MAP4K1: variants seen among roughly 807,000 people sequenced by gnomAD.
MAP4K1 encodes mitogen-activated protein kinase kinase kinase kinase 1, also known as MAPK/ERK kinase kinase kinase 1.
In MAP4K1, 35 loss-of-function variants were observed where a neutral mutation model predicts 122.8. That is an observed-to-expected ratio of 0.29 (90% confidence interval 0.22 to 0.38). The LOEUF is 0.38. Among genes scored for constraint, MAP4K1 ranks in the 10% least tolerant of loss-of-function variants. The pLI is 1.00. For synonymous variants in MAP4K1, 412 were observed against 421.3 expected (o/e 0.98, Z 0.27); for missense variants, 791 against 1,072.6 (o/e 0.74, Z 3.67).
intron 19 of MAP4K1, among the ~76,000 whole-genome samples, chr19:38,603,166 A>G (rs138623612): frequency 8.3e-4 from 123 of 148,854 alleles, no homozygotes; most frequent in African/African-American, 2.9e-3. Context: ...ATGTATACAT[A>G]TATACACATG....
intron 11 of MAP4K1, among the ~76,000 whole-genome samples, chr19:38,610,301 G>C (rs545414744): frequency 3.6e-4 from 55 of 151,900 alleles, no homozygotes; most frequent in African/African-American, 1.3e-3. Flanking sequence ...CACCTCCTGG[G>C]CTTAATTGAT....
Position 38,617,322 on chromosome 19 carries a change from C to G in MAP4K1, c.248+32G>C, listed in dbSNP as rs753528553. On this transcript the variant is annotated intron_variant, in intron 3 of 30. Transcript: ENST00000396857. This position sits in a 1 kb window ranked among gnomAD's most constrained non-coding sequence, Gnocchi z 4.1. ...TGGGGACTCCGGGTTAGGGGCTGGG[C>G]TGGGTGCCAGGGTGGGTCTGAGGTT... 1.3e-6 allele frequency: 2 copies of G among 1,500,488 alleles called. No homozygotes were observed. The highest frequency in any genetic ancestry group is 1.1e-5 in the South Asian group (1 of 88,804). The allele number at this position is 1,500,488 out of a possible 1,614,324, so 92.9% of individuals were successfully genotyped here.
chr19:38,598,167 A>G (rs1234712102), intron 22 of MAP4K1, among the ~76,000 whole-genome samples: 1 of 151,648 alleles, frequency 6.6e-6, no homozygotes. Context: ...AGTAGCTGGG[A>G]GTAGAGGTAT....
At chr19:38,616,147 G>T in intron 4 of MAP4K1, 48 bp downstream of exon 4, 1 of 1,468,214 alleles carries the variant, frequency 6.8e-7, no homozygotes, top group Non-Finnish European at 9.4e-7. Context: ...CGGGGTTGGG[G>T]GGTGGGGATA....
Position 38,611,265 on chromosome 19 carries a change from G to A in MAP4K1, c.706C>T (p.Arg236Ter). The A allele has an allele frequency of 1.9e-6, 3 of 1,613,548 alleles. No homozygotes were observed. Among genetic ancestry groups the A allele is most frequent in the South Asian group, 1.1e-5 (1 of 91,040 alleles). Residue 236 changes from arginine (R) to a stop codon, truncating the protein, a stop_gained, in exon 10 of 31, where the codon CGA (arginine) becomes TGA (stop). Coordinates refer to ENST00000396857, the MANE Select transcript of MAP4K1 (RefSeq NM_001042600.3). LOFTEE classifies it high-confidence loss of function. ...TACCATTTGCCTTTTTCCTTCAGTC[G>A]GGGAGGCTGGTAGCCACTCTTGGTC... ...LMTKSGYQPP[R>*]LKEKGKWSAA...
chr19:38,606,584 A>T (rs1975335945), intron 16 of MAP4K1, among the ~76,000 whole-genome samples: 1 of 152,076 alleles, frequency 6.6e-6, no homozygotes, highest in Non-Finnish European at 1.5e-5. Flanking sequence ...TGAGCCTGGG[A>T]GGTTGAGGCT....
At chr19:38,591,002 T>C (rs547319135) in intron 30 of MAP4K1, among the ~76,000 whole-genome samples, 28 of 144,808 alleles carry the variant, frequency 1.9e-4, no homozygotes, top group Admixed American at 5.5e-4. Flanking sequence ...CACACACACA[T>C]ATACTTGTAT....
rs763099650 is a variant in MAP4K1 at position 38,611,115 on chromosome 19, T to C, written c.746A>G (p.Asn249Ser). 7.4e-6 allele frequency: 12 copies of C among 1,613,316 alleles called. No individual in the cohort carries two copies. In the South Asian group the frequency reaches 1.3e-4, roughly 18 times the overall value. Residue 249 changes from asparagine to serine, a missense_variant, in exon 11 of 31, where the codon AAC becomes AGC. By Grantham distance (46) the Asn-to-Ser change is conservative (BLOSUM62 1). This residue lies in a region of MAP4K1 where 303 missense variants were observed against 344.8 expected (regional missense o/e 0.88). Transcript: ENST00000396857. ...CTTAGTCAGAGTGACTTTGATGAAG[T>C]TGTGGAAGGCAGCCGACCTTGGGAA... is the stretch of plus-strand genomic sequence containing the variant. ...EKGKWSAAFH[N>S]FIKVTLTKSP...
chr19:38,603,390 A>C (rs1322540609), intron 19 of MAP4K1, among the ~76,000 whole-genome samples: 1 of 149,736 alleles, frequency 6.7e-6, no homozygotes. Flanking sequence ...ACACATGTAC[A>C]TATATATGCA....
chr19:38,612,613 G>A lies in MAP4K1; in HGVS notation c.663C>T (p.Leu221=), dbSNP rs752231895. The A allele has an allele frequency of 6.2e-7, 1 of 1,612,488 alleles. No individual in the cohort carries two copies. Among genetic ancestry groups the A allele is most frequent in the Admixed American group, 1.7e-5 (1 of 59,978 alleles). ...LQPPLFDVHP[L]RVLFLMTKSG... ...CTGGGGACCCCACGCCTGCCTACCT[G>A]AGAGGGTGCACATCAAAGAGCGGTG... is the stretch of plus-strand genomic sequence containing the variant. The change falls in exon 9 of 31, where the codon CTC becomes CTT. Residue 221 remains leucine (L), a splice_region_variant and synonymous_variant. Coordinates refer to ENST00000396857, the MANE Select transcript of MAP4K1 (RefSeq NM_001042600.3).
intron 30 of MAP4K1, among the ~76,000 whole-genome samples, chr19:38,588,275 A>G (rs189756778): frequency 3.5e-4 from 54 of 152,310 alleles, no homozygotes; most frequent in African/African-American, 1.3e-3. Flanking sequence ...GATTTTAAGC[A>G]GGGAGACAGT....
chr19:38,594,717 T>C (rs1057423190), intron 29 of MAP4K1, among the ~76,000 whole-genome samples: 2 of 151,932 alleles, frequency 1.3e-5, no homozygotes, highest in African/African-American at 2.4e-5. Flanking sequence ...GGAAGGCAGA[T>C]TGGCTGAGCT....
intron 19 of MAP4K1, among the ~76,000 whole-genome samples, chr19:38,601,953 T>C (rs1975077608): frequency 6.6e-6 from 1 of 152,104 alleles, no homozygotes; most frequent in Admixed American, 6.6e-5. Context: ...AATTTTTGTA[T>C]TTTTAGTAGA....
intron 22 of MAP4K1, among the ~76,000 whole-genome samples, chr19:38,598,944 C>T (rs989776166): frequency 4.3e-5 from 6 of 140,538 alleles, no homozygotes; most frequent in Non-Finnish European, 7.5e-5. Context: ...ACCTGGGAAA[C>T]GGAGGTTGCA....
chr19:38,595,873 G>C (rs187306247), intron 27 of MAP4K1, 66 bp downstream of exon 27: 49 of 1,577,784 alleles, frequency 3.1e-5, no homozygotes, highest in Non-Finnish European at 4.0e-5. Flanking sequence ...GCACAAGTTC[G>C]GAGGCAGAGA....
At chr19:38,596,186 T>C (rs2145936901) in intron 26 of MAP4K1, 126 bp downstream of exon 26, 5 of 1,365,864 alleles carry the variant, frequency 3.7e-6, no homozygotes, top group African/African-American at 1.4e-5. Context: ...CCTGCCATTC[T>C]CCCTTCTCCG....
At chr19:38,602,453 CATAT>C (rs1318953039) in intron 19 of MAP4K1, among the ~76,000 whole-genome samples, 3 of 146,370 alleles carry the variant, frequency 2.0e-5, no homozygotes, top group African/African-American at 7.4e-5. Context: ...CACACACATA[CATAT>C]ATACACACAT....
intron 16 of MAP4K1, among the ~76,000 whole-genome samples, chr19:38,607,437 G>A (rs916016379): frequency 1.3e-5 from 2 of 151,674 alleles, no homozygotes; most frequent in Non-Finnish European, 2.9e-5. Flanking sequence ...GCAGGTGCCT[G>A]TAATCCCAGC....
chr19:38,589,778 C>T (rs931365995), intron 30 of MAP4K1, among the ~76,000 whole-genome samples: 2 of 152,070 alleles, frequency 1.3e-5, no homozygotes, highest in Non-Finnish European at 2.9e-5. Flanking sequence ...GCCTATAAGC[C>T]CAGCACTTTG....
Sources: gnomAD v4.1 joint callset for allele counts (sites outside exome capture counted in the v4.1 genomes callset) on GRCh38, gnomAD v4.1.1 for gene constraint, gnomAD v4.1.1 regional missense constraint, Gnocchi (gnomAD v3.1) non-coding constraint, MANE v1.5 for transcripts, NCBI Gene and HGNC (gene_info 2026-07-23, HGNC 2026-07-21) for gene names.